The following PPARGC1A variants were observed in gnomAD, a reference collection of about 807,000 sequenced individuals.
The protein encoded by PPARGC1A is peroxisome proliferator-activated receptor gamma coactivator 1-alpha.
PPARGC1A carries 25 observed loss-of-function variants against 88.7 expected under a neutral mutation model. The observed-to-expected ratio is 0.28, with a 90% CI of 0.21 to 0.39. The LOEUF (loss-of-function observed/expected upper bound fraction) is 0.39, where lower values mean the gene tolerates loss of function less well. Among genes scored for constraint, PPARGC1A ranks in the 10% least tolerant of loss-of-function variants. PPARGC1A has a pLI of 1.00. For synonymous variants in PPARGC1A, 363 were observed against 355.6 expected, an observed-to-expected ratio of 1.02 and a Z score of -0.24; for missense variants, 880 against 968.7, an observed-to-expected ratio of 0.91 and a Z score of 1.22.
the PPARGC1A span, among the ~76,000 whole-genome samples, chr4:24,360,894 A>G: frequency 6.6e-6 from 1 of 152,234 alleles, no homozygotes; most frequent in East Asian, 1.9e-4. Flanking sequence ...GACAAGGAGC[A>G]TCGAGTACAC....
the PPARGC1A span, among the ~76,000 whole-genome samples, chr4:24,343,749 C>CT: frequency 3.4e-3 from 493 of 147,006 alleles, 3 homozygotes; most frequent in Middle Eastern, 0.021. Flanking sequence ...TGGGGAAATG[C>CT]TTTTTTTTTT....
intron 2 of PPARGC1A, among the ~76,000 whole-genome samples, chr4:23,842,100 A>C (rs991563139): frequency 1.3e-5 from 2 of 152,088 alleles, no homozygotes; most frequent in African/African-American, 2.4e-5. Context: ...TTTTATCTTC[A>C]TATTGGGGAC....
At chr4:24,396,544 G>A in the PPARGC1A span, among the ~76,000 whole-genome samples, 14 of 152,144 alleles carry the variant, frequency 9.2e-5, no homozygotes, top group African/African-American at 3.1e-4. Context: ...ATGGCTGTCT[G>A]TGAAGCATCC....
At chr4:23,953,571 T>C in the PPARGC1A span, among the ~76,000 whole-genome samples, 2 of 152,190 alleles carry the variant, frequency 1.3e-5, no homozygotes, top group East Asian at 3.9e-4. Context: ...GAAATCCTTA[T>C]AGAGTAATAT....
At chr4:24,422,513 T>G in the PPARGC1A span, among the ~76,000 whole-genome samples, 3 of 152,142 alleles carry the variant, frequency 2.0e-5, no homozygotes, top group Admixed American at 2.0e-4. Flanking sequence ...GTTTTAAGAT[T>G]CGGAATAAAA....
the PPARGC1A span, among the ~76,000 whole-genome samples, chr4:24,417,973 CTATT>C: frequency 6.6e-6 from 1 of 151,694 alleles, no homozygotes; most frequent in Non-Finnish European, 1.5e-5. Context: ...CACCATCAGA[CTATT>C]TATTTTGTTT....
At chr4:24,217,103 A>G in the PPARGC1A span, among the ~76,000 whole-genome samples, 5 of 152,206 alleles carry the variant, frequency 3.3e-5, no homozygotes, top group Admixed American at 1.3e-4. Flanking sequence ...TGAGGCAAGG[A>G]GAAGCATAAA....
the PPARGC1A span, among the ~76,000 whole-genome samples, chr4:24,268,570 T>C: frequency 1.3e-5 from 2 of 152,148 alleles, no homozygotes; most frequent in Non-Finnish European, 2.9e-5. Context: ...GTTTAAAGCG[T>C]TTCTATGGCT....
At chr4:23,907,006 G>T (rs1720124165), upstream of PPARGC1A, among the ~76,000 whole-genome samples, 1 of 152,160 alleles carries the variant, frequency 6.6e-6, no homozygotes, top group South Asian at 2.1e-4. Flanking sequence ...CAGAGTGCCT[G>T]GGTCACCTGG....
intron 1 of PPARGC1A, among the ~76,000 whole-genome samples, chr4:23,897,739 A>T (rs946983455): frequency 6.6e-6 from 1 of 152,262 alleles, no homozygotes; most frequent in Non-Finnish European, 1.5e-5. Flanking sequence ...ATACTAGAGA[A>T]CTTGTGAAAT....
At chr4:23,961,340 A>G in the PPARGC1A span, among the ~76,000 whole-genome samples, 2 of 152,136 alleles carry the variant, frequency 1.3e-5, no homozygotes, top group Non-Finnish European at 2.9e-5. Flanking sequence ...GATTTCAGGG[A>G]TGCAGCTAAA....
At chr4:24,407,799 C>G in the PPARGC1A span, among the ~76,000 whole-genome samples, 1 of 152,078 alleles carries the variant, frequency 6.6e-6, no homozygotes, top group Non-Finnish European at 1.5e-5. Flanking sequence ...AAAATAAATC[C>G]ATTAATTCAT....
At chr4:24,226,453 G>A in the PPARGC1A span, among the ~76,000 whole-genome samples, 1 of 152,236 alleles carries the variant, frequency 6.6e-6, no homozygotes, top group Non-Finnish European at 1.5e-5. Context: ...GAGAGGGAAG[G>A]TGGAAAACGA....
the PPARGC1A span, among the ~76,000 whole-genome samples, chr4:24,107,116 G>A: frequency 2.6e-5 from 4 of 152,156 alleles, no homozygotes; most frequent in African/African-American, 7.2e-5. Flanking sequence ...TAGCATAATT[G>A]CATCATTTAT....
chr4:24,382,783 T>C, the PPARGC1A span, among the ~76,000 whole-genome samples: 1,735 of 152,296 alleles, frequency 0.011, 31 homozygotes, highest in African/African-American at 0.04. Context: ...ACAGAGCACC[T>C]GGGGGAAGGG....
At chr4:23,961,359 T>A in the PPARGC1A span, among the ~76,000 whole-genome samples, 1 of 152,146 alleles carries the variant, frequency 6.6e-6, no homozygotes, top group Non-Finnish European at 1.5e-5. Context: ...AAACAAATGA[T>A]ATGATTTATC....
chr4:23,803,547 T>C lies in PPARGC1A; in HGVS notation c.2020-1202A>G, dbSNP rs74921872. Among the ~76,000 whole-genome samples the C allele has an allele frequency of 2.9e-3, 439 of 152,314 alleles. 14 individuals are homozygous for C. In the East Asian group the frequency reaches 0.054, roughly 19 times the overall value. ...TTATAGCCTGAGGATAAATTCTTTT[T>C]TTACAGCACAGAAATGCATTCTTAG... On this transcript the variant is annotated intron_variant, in intron 10 of 12. Coordinates refer to ENST00000264867, the MANE Select transcript of PPARGC1A (RefSeq NM_013261.5).
At chr4:23,891,495 A>T (rs1373046325), upstream of PPARGC1A, among the ~76,000 whole-genome samples, 1 of 152,352 alleles carries the variant, frequency 6.6e-6, no homozygotes, top group East Asian at 1.9e-4. Context: ...CATATTTTAA[A>T]TATTAAATTG....
At chr4:24,111,832 G>A in the PPARGC1A span, among the ~76,000 whole-genome samples, 67 of 151,964 alleles carry the variant, frequency 4.4e-4, 1 homozygote, top group South Asian at 4.2e-4. Flanking sequence ...ACACACATGC[G>A]CACGTGCACA....
Sources: allele counts gnomAD v4.1 joint callset (sites outside exome capture counted in the v4.1 genomes callset), GRCh38; gene constraint gnomAD v4.1.1; transcripts MANE v1.5; gene names NCBI Gene and HGNC (gene_info 2026-07-23, HGNC 2026-07-21).